Variants in HACD2 observed in about 807,000 individuals in gnomAD.
HACD2 encodes the protein very-long-chain (3R)-3-hydroxyacyl-CoA dehydratase 2.
A neutral mutation model predicts 31.0 loss-of-function variants in HACD2; 15 were observed. The ratio of observed to expected loss-of-function variants is 0.48; its 90% confidence interval spans 0.32 to 0.75. The LOEUF (loss-of-function observed/expected upper bound fraction) is 0.75. HACD2 is among the 30% of genes least tolerant of loss of function. The pLI, the probability that HACD2 is intolerant of heterozygous loss-of-function variation, is 0.03. For synonymous variants in HACD2, 115 were observed against 122.2 expected, an observed-to-expected ratio of 0.94 and a Z score of 0.39; for missense variants, 283 against 313.0, an observed-to-expected ratio of 0.90 and a Z score of 0.72.
intron 3 of HACD2, among the ~76,000 whole-genome samples, chr3:123,542,777 T>C (rs2107721882): frequency 6.6e-6 from 1 of 152,336 alleles, no homozygotes; most frequent in South Asian, 2.1e-4. Context: ...AAACATTCTG[T>C]CGTATCAGAA....
intron 6 of HACD2, among the ~76,000 whole-genome samples, chr3:123,495,752 C>G (rs988111863): frequency 6.6e-6 from 1 of 152,038 alleles, no homozygotes; most frequent in African/African-American, 2.4e-5. Context: ...GGAACTATTT[C>G]GATAGTTTGA....
chr3:123,545,487 AAATAAAT>A (rs1358225797), intron 3 of HACD2, among the ~76,000 whole-genome samples: 1 of 1,212 alleles, frequency 8.3e-4, no homozygotes, highest in Non-Finnish European at 2.5e-3. Context: ...GTCTCAGTAA[AAATAAAT>A]AAATAAATAA....
intron 3 of HACD2, chr3:123,543,833 T>C (rs1283694073): frequency 2.7e-5 from 5 of 186,078 alleles, no homozygotes; most frequent in African/African-American, 9.5e-5. Context: ...ATTCCGTTGC[T>C]ATATTTATAA....
At chr3:123,529,288 G>A (rs1406677072) in intron 3 of HACD2, among the ~76,000 whole-genome samples, 1 of 152,168 alleles carries the variant, frequency 6.6e-6, no homozygotes, top group Non-Finnish European at 1.5e-5. Flanking sequence ...TTTTGGTAGA[G>A]ATAGGGCTTC....
intron 2 of HACD2, among the ~76,000 whole-genome samples, chr3:123,570,994 A>G (rs1056662219): frequency 4.0e-5 from 6 of 151,792 alleles, no homozygotes; most frequent in Admixed American, 3.9e-4. Flanking sequence ...TATGAAAGAA[A>G]TACAATGAAA....
chr3:123,548,328 C>T (rs2056582610), intron 3 of HACD2, among the ~76,000 whole-genome samples: 1 of 152,026 alleles, frequency 6.6e-6, no homozygotes, highest in African/African-American at 2.4e-5. Flanking sequence ...TCACAAGGGA[C>T]ATTCTAGCAC....
chr3:123,513,007 CAGGGCT>C (rs2056083733), intron 4 of HACD2, among the ~76,000 whole-genome samples: 1 of 152,004 alleles, frequency 6.6e-6, no homozygotes. Flanking sequence ...TGGCTGATTC[CAGGGCT>C]GGGGCTGGGG....
intron 3 of HACD2, among the ~76,000 whole-genome samples, chr3:123,543,920 T>C (rs971006022): frequency 2.0e-5 from 3 of 152,236 alleles, no homozygotes; most frequent in Admixed American, 1.3e-4. Context: ...CTGTCATTTA[T>C]ACTTTTAGGA....
intron 3 of HACD2, among the ~76,000 whole-genome samples, chr3:123,567,011 G>A (rs1224628286): frequency 6.6e-6 from 1 of 152,182 alleles, no homozygotes; most frequent in Non-Finnish European, 1.5e-5. Context: ...GGCCATAACG[G>A]TATAGATTTG....
intron 3 of HACD2, among the ~76,000 whole-genome samples, chr3:123,558,305 G>A (rs1252139444): frequency 6.6e-6 from 1 of 152,278 alleles, no homozygotes; most frequent in East Asian, 1.9e-4. Context: ...GCCCCAGAGT[G>A]GGAGTGAAAA....
At chr3:123,525,999 T>C (rs763301650) in intron 4 of HACD2, among the ~76,000 whole-genome samples, 4 of 152,062 alleles carry the variant, frequency 2.6e-5, no homozygotes, top group Non-Finnish European at 4.4e-5. Flanking sequence ...GCAGGAAAAA[T>C]AGCATTTGGC....
intron 2 of HACD2, among the ~76,000 whole-genome samples, chr3:123,569,080 C>G (rs1253774098): frequency 6.6e-6 from 1 of 152,012 alleles, no homozygotes; most frequent in African/African-American, 2.4e-5. Flanking sequence ...TACTATTTCA[C>G]TCAATTTGTG....
chr3:123,563,644 T>TACACAC (rs58761061), intron 3 of HACD2, among the ~76,000 whole-genome samples: 15,228 of 111,796 alleles, frequency 0.14, 993 homozygotes, highest in Non-Finnish European at 0.18. Flanking sequence ...AAAATATATA[T>TACACAC]ACACACACAC....
intron 4 of HACD2, among the ~76,000 whole-genome samples, chr3:123,512,887 G>T (rs1576738635): frequency 6.6e-6 from 1 of 152,118 alleles, no homozygotes; most frequent in East Asian, 1.9e-4. Context: ...TACTGAGAGG[G>T]TCTAGAAGCA....
intron 2 of HACD2, among the ~76,000 whole-genome samples, chr3:123,571,488 C>T (rs577344051): frequency 6.0e-4 from 92 of 152,304 alleles, no homozygotes; most frequent in African/African-American, 2.0e-3. Flanking sequence ...ATTCAGCAGG[C>T]CACTCTGGCT....
In HACD2 at chr3:123,584,912, G is replaced by A; in HGVS notation, c.116C>T (p.Thr39Met). 1 of 1,527,370 alleles carries A rather than the reference G, an allele frequency of 6.5e-7. No homozygotes were observed. Among genetic ancestry groups the A allele is most frequent in the Non-Finnish European group, 8.8e-7 (1 of 1,137,150 alleles). 94.6% of individuals were successfully genotyped at this position (1,527,370 alleles called of 1,614,324 possible). Reference sequence around the variant, plus strand: ...CACATTGTAGATGACCAGGTACGCCGTGGCCAGGGGCCCCGGGCCCTTCTT... The same window carrying A: ...CACATTGTAGATGACCAGGTACGCCATGGCCAGGGGCCCCGGGCCCTTCTT... The part of the protein sequence containing the change: ...RKKKGPGPLA[T>M]AYLVIYNVVM... The change falls in exon 1 of 7, where the codon ACG becomes ATG. Residue 39 changes from threonine (T) to methionine (M), a missense_variant. Coordinates refer to ENST00000383657, the MANE Select transcript of HACD2 (RefSeq NM_198402.5).
chr3:123,575,026 C>G (rs1363258402), intron 2 of HACD2, among the ~76,000 whole-genome samples: 1 of 152,114 alleles, frequency 6.6e-6, no homozygotes, highest in Non-Finnish European at 1.5e-5. Context: ...ACACTGCATT[C>G]TGTACCGTGG....
chr3:123,538,410 T>C (rs956187792), intron 3 of HACD2, among the ~76,000 whole-genome samples: 3 of 152,226 alleles, frequency 2.0e-5, no homozygotes, highest in African/African-American at 7.2e-5. Flanking sequence ...ATAGTGTTAC[T>C]ACATATATTC....
intron 3 of HACD2, among the ~76,000 whole-genome samples, chr3:123,550,426 GGAAGA>G (rs2056607842): frequency 6.6e-6 from 1 of 152,094 alleles, no homozygotes; most frequent in Non-Finnish European, 1.5e-5. Context: ...AGGGCAAGAG[GGAAGA>G]GAAAAGGGGG....
Sources: gnomAD v4.1 joint callset for allele counts (sites outside exome capture counted in the v4.1 genomes callset) on GRCh38, gnomAD v4.1.1 for gene constraint, MANE v1.5 for transcripts, NCBI Gene and HGNC (gene_info 2026-07-23, HGNC 2026-07-21) for gene names.